Variants in NALF1 observed in about 807,000 individuals in gnomAD.
The protein encoded by NALF1 is family with sequence similarity 155 member A.
NALF1 carries 3 observed loss-of-function variants against 48.4 expected under a neutral mutation model. The observed-to-expected ratio is 0.06, with a 90% CI of 0.03 to 0.16. The LOEUF is 0.16. Ranked by LOEUF, NALF1 falls within the 10% of genes least tolerant of loss-of-function variation. The pLI is 1.00. For synonymous variants in NALF1, 262 were observed against 245.7 expected, an observed-to-expected ratio of 1.07 and a Z score of -0.62; for missense variants, 526 against 571.5, an observed-to-expected ratio of 0.92 and a Z score of 0.81.
chr13:107,294,827 G>A (rs1881694122), intron 1 of NALF1, among the ~76,000 whole-genome samples: 1 of 152,112 alleles, frequency 6.6e-6, no homozygotes, highest in African/African-American at 2.4e-5. Flanking sequence ...AAGGATAAGA[G>A]TAAAATACGT....
chr13:107,279,259 T>A (rs1053530147), intron 1 of NALF1, among the ~76,000 whole-genome samples: 2 of 151,928 alleles, frequency 1.3e-5, no homozygotes, highest in Admixed American at 1.3e-4. Context: ...GTTTTTTTTG[T>A]TTTGTTTTTC....
intron 1 of NALF1, among the ~76,000 whole-genome samples, chr13:107,806,251 T>C (rs909031998): frequency 3.9e-5 from 6 of 152,196 alleles, no homozygotes; most frequent in Admixed American, 3.9e-4. Flanking sequence ...GGTAATTTAA[T>C]GTAGTCACTA....
chr13:107,669,733 A>C (rs566990889), intron 1 of NALF1, among the ~76,000 whole-genome samples: 90 of 152,234 alleles, frequency 5.9e-4, no homozygotes, highest in Non-Finnish European at 9.7e-4. Context: ...CTAAAAAATA[A>C]GCAAGCAGTC....
chr13:107,483,224 G>A (rs562335560), intron 1 of NALF1, among the ~76,000 whole-genome samples: 16 of 152,258 alleles, frequency 1.1e-4, no homozygotes, highest in African/African-American at 3.6e-4. Flanking sequence ...CAAAATGAAT[G>A]CTTTAAGCTA....
intron 1 of NALF1, among the ~76,000 whole-genome samples, chr13:107,257,295 ACC>A (rs1566466073): frequency 4.6e-5 from 7 of 152,132 alleles, no homozygotes; most frequent in African/African-American, 1.7e-4. Context: ...ATGTATTCAT[ACC>A]ACAGGATTTG....
At chr13:107,815,531 A>C (rs1879137431) in intron 1 of NALF1, among the ~76,000 whole-genome samples, 1 of 152,194 alleles carries the variant, frequency 6.6e-6, no homozygotes, top group African/African-American at 2.4e-5. Context: ...GGAGAATGTG[A>C]AGAGATGGGG....
intron 1 of NALF1, among the ~76,000 whole-genome samples, chr13:107,415,812 T>C (rs1884074741): frequency 1.3e-5 from 2 of 152,220 alleles, no homozygotes; most frequent in South Asian, 2.1e-4. Flanking sequence ...CAATGTGATG[T>C]GGCACTTTAA....
At chr13:107,551,694 G>C (rs1329085428) in intron 1 of NALF1, among the ~76,000 whole-genome samples, 1 of 152,002 alleles carries the variant, frequency 6.6e-6, no homozygotes, top group Non-Finnish European at 1.5e-5. Context: ...TGAAATATGT[G>C]ACTCTTGCCC....
At position 107,225,622 on chromosome 13, in the gene NALF1, G is replaced by A. The variant is rs1418376624; in HGVS notation, c.916-14867C>T. On this transcript the variant is annotated intron_variant, in intron 1 of 2. Transcript: ENST00000375915. ...AATTTCAACCAACGAAATGGTGGGG[G>A]ATGGGGATGGGGATGGGGTGGGACC... Among the ~76,000 whole-genome samples the A allele has an allele frequency of 2.1e-5, 3 of 143,820 alleles. No homozygotes were observed. The East Asian group carries it at 7.2e-4, about 34-fold the overall frequency. 94.4% of individuals were successfully genotyped at this position (143,820 alleles called of 152,430 possible). A position where few individuals can be genotyped will look rare whatever the true frequency, so the allele number is the denominator to read the frequency against.
rs373215439 is a variant in NALF1, at chr13:107,862,652, T to C, written c.915+3030A>G. Among the ~76,000 whole-genome samples the C allele has an allele frequency of 1.3e-3, 194 of 152,116 alleles. 3 individuals are homozygous for C. In the South Asian group the frequency reaches 0.035, roughly 27 times the overall value. ...GAGTGAATATTTTTTCTATGATACA[T>C]TGCAATACAGAAGTACATCCAATCT... On this transcript the variant is annotated intron_variant, in intron 1 of 2. Coordinates refer to ENST00000375915, the MANE Select transcript of NALF1 (RefSeq NM_001080396.3).
chr13:107,493,454 GT>G (rs1875215274), intron 1 of NALF1, among the ~76,000 whole-genome samples: 1 of 152,108 alleles, frequency 6.6e-6, no homozygotes, highest in Non-Finnish European at 1.5e-5. Context: ...ATCACCTTCT[GT>G]CTACAGAAGG....
intron 1 of NALF1, among the ~76,000 whole-genome samples, chr13:107,745,839 G>C (rs1876767061): frequency 6.6e-6 from 1 of 152,136 alleles, no homozygotes; most frequent in South Asian, 2.1e-4. Flanking sequence ...GGTCTTATAA[G>C]GGGCTTTTCC....
intron 1 of NALF1, among the ~76,000 whole-genome samples, chr13:107,418,490 G>A (rs984826028): frequency 1.3e-5 from 2 of 151,958 alleles, no homozygotes; most frequent in Admixed American, 6.6e-5. Context: ...TGTTTCTCTC[G>A]GTTGCTAAGT....
chr13:107,489,121 G>C (rs1307271540), intron 1 of NALF1, among the ~76,000 whole-genome samples: 1 of 151,954 alleles, frequency 6.6e-6, no homozygotes, highest in Non-Finnish European at 1.5e-5. Context: ...AGTAATCTGA[G>C]ATGAGATGAC....
chr13:107,659,607 GTGTT>G (rs1401911181), intron 1 of NALF1, among the ~76,000 whole-genome samples: 2 of 151,246 alleles, frequency 1.3e-5, no homozygotes, highest in Admixed American at 1.3e-4. Flanking sequence ...GGCAGTGAAT[GTGTT>G]TTTTTTCTTT....
chr13:107,626,440 C>A (rs1352598936), intron 1 of NALF1, among the ~76,000 whole-genome samples: 1 of 151,938 alleles, frequency 6.6e-6, no homozygotes, highest in Non-Finnish European at 1.5e-5. Context: ...GAAAGGAAAT[C>A]AATAGATAAA....
rs536256140 is a variant in NALF1 at position 107,488,217 on chromosome 13, A to G, written c.916-277462T>C. Among the ~76,000 whole-genome samples the G allele has an allele frequency of 1.9e-3, 288 of 150,992 alleles. 4 individuals are homozygous for G. The Middle Eastern group carries it at 0.028, about 14-fold the overall frequency. On this transcript the variant is annotated intron_variant, in intron 1 of 2. Coordinates refer to ENST00000375915, the MANE Select transcript of NALF1 (RefSeq NM_001080396.3). ...TTATTAACTTTTTTTTCAAAAAAAA[A>G]AACACCTCCTGAATTCATTGATCTT...
intron 1 of NALF1, among the ~76,000 whole-genome samples, chr13:107,555,771 T>G (rs577201186): frequency 6.6e-6 from 1 of 152,214 alleles, no homozygotes; most frequent in South Asian, 2.1e-4. Flanking sequence ...AAAATGTCAC[T>G]ATATTGGGGA....
At chr13:107,294,572 G>A (rs749148951) in intron 1 of NALF1, among the ~76,000 whole-genome samples, 7 of 152,132 alleles carry the variant, frequency 4.6e-5, no homozygotes, top group Non-Finnish European at 4.4e-5. Flanking sequence ...TCTCTTCTAA[G>A]CACTTTCCAG....
Sources: allele counts gnomAD v4.1 joint callset (sites outside exome capture counted in the v4.1 genomes callset), GRCh38; gene constraint gnomAD v4.1.1; transcripts MANE v1.5; gene names NCBI Gene and HGNC (gene_info 2026-07-23, HGNC 2026-07-21).